Variants in MEIKIN observed in about 807,000 individuals in gnomAD.
MEIKIN encodes the protein meiotic kinetochore factor, also known as meiosis-specific kinetochore protein.
intron 8 of MEIKIN, among the ~76,000 whole-genome samples, chr5:131,887,852 TCA>T (rs1750829414): frequency 9.4e-6 from 1 of 106,306 alleles, no homozygotes; most frequent in African/African-American, 3.6e-5. Context: ...ATGCTATCCC[TCA>T]CCCCCTCCCC....
chr5:131,906,785 C>T (rs557520565), intron 8 of MEIKIN, among the ~76,000 whole-genome samples: 1 of 152,184 alleles, frequency 6.6e-6, no homozygotes, highest in African/African-American at 2.4e-5. Context: ...AAATACTGCA[C>T]AGTCTCACTT....
At chr5:131,809,038 G>A (rs945937786) in intron 12 of MEIKIN, among the ~76,000 whole-genome samples, 1 of 148,654 alleles carries the variant, frequency 6.7e-6, no homozygotes. Context: ...ACTCCAGCAT[G>A]GGCGACAGAG....
intron 8 of MEIKIN, among the ~76,000 whole-genome samples, chr5:131,902,757 C>A (rs1751180701): frequency 6.6e-6 from 1 of 152,134 alleles, no homozygotes; most frequent in Admixed American, 6.5e-5. Context: ...CTTCTTACCT[C>A]CCAAAAACCC....
In MEIKIN at chr5:131,932,517, A is replaced by C. The variant is rs1479909193; in HGVS notation, c.478+996T>G. On this transcript the variant is annotated intron_variant, in intron 5 of 12. Coordinates refer to ENST00000442687, the MANE Select transcript of MEIKIN (RefSeq NM_001303622.2). The stretch of plus-strand genomic sequence containing the variant: ...GAAGACAAGCTCAACCATTTAAGCA[A>C]TTTGAAAGCTTTTCTTAAATTGTGT... Among the ~76,000 whole-genome samples the C allele has an allele frequency of 2.1e-5, 3 of 145,964 alleles. No homozygotes were observed. The Admixed American group carries it at 2.1e-4, about 10-fold the overall frequency.
intron 7 of MEIKIN, among the ~76,000 whole-genome samples, chr5:131,915,046 T>C: frequency 6.6e-6 from 1 of 152,162 alleles, no homozygotes. Context: ...TGAGATTCTC[T>C]TAATTCCTGG....
chr5:131,943,848 T>C (rs933582203), intron 3 of MEIKIN, among the ~76,000 whole-genome samples: 13 of 152,182 alleles, frequency 8.5e-5, no homozygotes, highest in African/African-American at 3.1e-4. Flanking sequence ...CCAGGTGTGA[T>C]GGCTCAAGCC....
chr5:131,911,728 T>C (rs1751337890), intron 8 of MEIKIN, 87 bp downstream of exon 8: 1 of 390,476 alleles, frequency 2.6e-6, no homozygotes, highest in Non-Finnish European at 4.5e-6. Flanking sequence ...TAATGCATGT[T>C]GCAGGTAGCA....
At chr5:131,826,580 A>T (rs930463517) in intron 11 of MEIKIN, among the ~76,000 whole-genome samples, 1 of 152,202 alleles carries the variant, frequency 6.6e-6, no homozygotes, top group African/African-American at 2.4e-5. Context: ...TGTCCCACCC[A>T]AATCTCATCT....
intron 8 of MEIKIN, among the ~76,000 whole-genome samples, chr5:131,901,013 T>C (rs1293553183): frequency 6.6e-6 from 1 of 152,168 alleles, no homozygotes; most frequent in Non-Finnish European, 1.5e-5. Flanking sequence ...TCACCCACCA[T>C]GCTGCCATTG....
intron 8 of MEIKIN, among the ~76,000 whole-genome samples, chr5:131,890,206 T>C (rs1429842088): frequency 6.6e-6 from 1 of 152,214 alleles, no homozygotes; most frequent in African/African-American, 2.4e-5. Context: ...AGGATGATGC[T>C]GGCCTCATAA....
chr5:131,885,439 G>C (rs911327660), intron 8 of MEIKIN, among the ~76,000 whole-genome samples: 2 of 148,962 alleles, frequency 1.3e-5, no homozygotes, highest in Non-Finnish European at 3.0e-5. Flanking sequence ...GATTGATTCT[G>C]TTTGTATGGG....
chr5:131,945,022 G>C (rs1200175768), intron 2 of MEIKIN, 134 bp downstream of exon 2: 4 of 398,132 alleles, frequency 1.0e-5, no homozygotes, highest in African/African-American at 2.1e-5. Context: ...TCCATGTTCT[G>C]AGAAGAGCAA....
At chr5:131,868,037 C>A (rs1049993817) in intron 9 of MEIKIN, among the ~76,000 whole-genome samples, 1 of 152,142 alleles carries the variant, frequency 6.6e-6, no homozygotes, top group Non-Finnish European at 1.5e-5. Flanking sequence ...TTGGTGTTGT[C>A]AGTGTTTTGG....
At chr5:131,842,559 C>T (rs6886188) in intron 11 of MEIKIN, among the ~76,000 whole-genome samples, 119,223 of 152,028 alleles carry the variant, frequency 0.78, 46,942 homozygotes, top group African/African-American at 0.83. Context: ...AATGATAATA[C>T]GTTTTTTCTT....
intron 11 of MEIKIN, among the ~76,000 whole-genome samples, chr5:131,828,031 C>A (rs1375366515): frequency 6.7e-6 from 1 of 150,160 alleles, no homozygotes. Flanking sequence ...AGAGCAAGAC[C>A]CTGTCTCAAA....
chr5:131,923,593 G>T (rs1361187075), intron 5 of MEIKIN, among the ~76,000 whole-genome samples: 1 of 137,016 alleles, frequency 7.3e-6, no homozygotes, highest in Non-Finnish European at 1.6e-5. Context: ...TCCTTTTACT[G>T]AGTTTTCCAT....
intron 12 of MEIKIN, among the ~76,000 whole-genome samples, chr5:131,815,647 A>G (rs1401957892): frequency 6.6e-6 from 1 of 152,260 alleles, no homozygotes; most frequent in Non-Finnish European, 1.5e-5. Flanking sequence ...CGGACTACCA[A>G]GGAGAATCTG....
chr5:131,945,190 T>C lies in MEIKIN; in HGVS notation c.166A>G (p.Ser56Gly). 2.5e-6 allele frequency: 1 copy of C among 399,244 alleles called. No individual in the cohort carries two copies. The highest frequency in any genetic ancestry group is 4.4e-6 in the Non-Finnish European group (1 of 226,194). The allele number at this position is 399,244 out of a possible 1,614,324, so 24.7% of individuals were successfully genotyped here. A position where few individuals can be genotyped will look rare whatever the true frequency, so the allele number is the denominator to read the frequency against. Residue 56 changes from serine to glycine, a missense_variant, in exon 2 of 13, where the codon AGC becomes GGC. By Grantham distance (56) the Ser-to-Gly change is moderately conservative. Transcript: ENST00000442687. The part of the protein sequence containing the change: ...LSKIAEKAER[S>G]RQGGSGSGPF... ...CCAGAGCCGCTACCTCCCTGCCTGCTCCGCTCTGCTTTCTCTGCAATCTTC... is the reference window on the plus strand; with the variant it reads ...CCAGAGCCGCTACCTCCCTGCCTGCCCCGCTCTGCTTTCTCTGCAATCTTC...
rs879212276 is a variant in MEIKIN, at chr5:131,851,392, G to T, written c.856-9C>A. On this transcript the variant is annotated splice_polypyrimidine_tract_variant and intron_variant, in intron 10 of 12. Coordinates refer to ENST00000442687, the MANE Select transcript of MEIKIN (RefSeq NM_001303622.2). ...ACTGAGGACAAATCAATCTATAAAA[G>T]AATACATTATTGTTTTGTGGAAGTT... The T allele has an allele frequency of 2.5e-5, 10 of 397,398 alleles. No individual in the cohort carries two copies. The highest frequency in any genetic ancestry group is 1.6e-4 in the African/African-American group (8 of 48,502). 24.6% of individuals were successfully genotyped at this position (397,398 alleles called of 1,614,324 possible).
Sources: allele counts gnomAD v4.1 joint callset (sites outside exome capture counted in the v4.1 genomes callset), GRCh38; gene constraint gnomAD v4.1.1; transcripts MANE v1.5; gene names NCBI Gene and HGNC (gene_info 2026-07-23, HGNC 2026-07-21).